Variants in PTK2 observed in about 807,000 individuals in gnomAD.
The protein encoded by PTK2 is protein tyrosine kinase 2.
A neutral mutation model predicts 150.1 loss-of-function variants in PTK2; 45 were observed. The ratio of observed to expected loss-of-function variants is 0.30; its 90% CI spans 0.24 to 0.38. The LOEUF (loss-of-function observed/expected upper bound fraction) is 0.38. PTK2 is among the 10% of genes least tolerant of loss of function. The pLI, the probability that PTK2 is intolerant of heterozygous loss-of-function variation, is 1.00. For synonymous variants in PTK2, 432 were observed against 449.2 expected, an observed-to-expected ratio of 0.96 and a Z score of 0.48; for missense variants, 919 against 1,307.3, an observed-to-expected ratio of 0.70 and a Z score of 4.58.
chr8:140,674,393 G>A (rs1315190906), exon 29 of PTK2: 5 of 1,595,302 alleles, frequency 3.1e-6, no homozygotes, highest in Non-Finnish European at 2.6e-6. Flanking sequence ...TTCTTTGGTG[G>A]AGCTGCAGGA....
At chr8:140,894,869 C>G (rs1370610074) in intron 2 of PTK2, among the ~76,000 whole-genome samples, 1 of 152,140 alleles carries the variant, frequency 6.6e-6, no homozygotes, top group East Asian at 1.9e-4. Flanking sequence ...TATAGAAGAT[C>G]TGAAGAGCAC....
intron 22 of PTK2, chr8:140,734,848 A>G (rs921262945): frequency 2.1e-6 from 1 of 478,424 alleles, no homozygotes; most frequent in African/African-American, 2.0e-5. Context: ...GAGTGAAGAC[A>G]GCATGTGAAA....
At chr8:140,675,714 G>T in intron 27 of PTK2, 2 of 520,804 alleles carry the variant, frequency 3.8e-6, no homozygotes, top group Non-Finnish European at 6.9e-6. Context: ...AGGGCTGTGA[G>T]AGAAGCAAGC....
chr8:140,984,483 A>G (rs2154610034), intron 1 of PTK2, among the ~76,000 whole-genome samples: 1 of 152,302 alleles, frequency 6.6e-6, no homozygotes, highest in Non-Finnish European at 1.5e-5. Context: ...GACAGACTGA[A>G]TTGGAACTTA....
At chr8:140,939,913 T>A (rs1243205783) in intron 1 of PTK2, among the ~76,000 whole-genome samples, 1 of 152,120 alleles carries the variant, frequency 6.6e-6, no homozygotes, top group Non-Finnish European at 1.5e-5. Context: ...CTAGGCGAAG[T>A]GCCAAAAACA....
intron 5 of PTK2, among the ~76,000 whole-genome samples, chr8:140,858,413 T>G (rs544119887): frequency 8.1e-6 from 1 of 122,756 alleles, no homozygotes; most frequent in Non-Finnish European, 1.7e-5. Context: ...ATGACACAGA[T>G]CAAGCAAGGG....
At chr8:140,981,406 GGGCAGGAGGGAAGGGTATGT>G (rs1296721567) in intron 1 of PTK2, among the ~76,000 whole-genome samples, 1 of 152,148 alleles carries the variant, frequency 6.6e-6, no homozygotes, top group African/African-American at 2.4e-5. Flanking sequence ...AGAACCTGTG[GGGCAGGAGGGAAGGGTATGT>G]GATCAGGGAA....
At chr8:140,678,024 G>T (rs1029521176) in intron 27 of PTK2, among the ~76,000 whole-genome samples, 4 of 152,134 alleles carry the variant, frequency 2.6e-5, no homozygotes, top group African/African-American at 9.7e-5. Context: ...TAGAAGGAGA[G>T]GAACTACACG....
At chr8:140,818,948 G>A (rs777494197) in exon 9 of PTK2, 4 of 1,613,194 alleles carry the variant, frequency 2.5e-6, no homozygotes, top group African/African-American at 2.7e-5. Context: ...AAGAATTTCA[G>A]AATACTTTCT....
intron 22 of PTK2, among the ~76,000 whole-genome samples, chr8:140,732,900 G>A (rs1399121776): frequency 3.9e-5 from 6 of 152,168 alleles, no homozygotes; most frequent in African/African-American, 1.2e-4. Flanking sequence ...AAATGAAGAA[G>A]GAGGCATTCT....
chr8:140,735,301 G>C (rs1483047978), exon 22 of PTK2: 3 of 1,614,078 alleles, frequency 1.9e-6, no homozygotes, highest in Non-Finnish European at 2.5e-6. Context: ...TGGGGTCATA[G>C]GCCCAGCATT....
rs145350717 is a variant in PTK2 at position 140,709,683 on chromosome 8, C to A, written c.2143-3478G>T. ...CTTTGAAAATGGCTTTCATATGAGT[C>A]CAAAAGTGTCAACTGCTGGTAAGTA... is the stretch of plus-strand genomic sequence containing the variant. On this transcript the variant is annotated intron_variant, in intron 23 of 31. Transcript: ENST00000522684. 4.5e-3 allele frequency among the ~76,000 whole-genome samples: 679 copies of A among 152,242 alleles called. 4 individuals are homozygous for A. The highest frequency in any genetic ancestry group is 0.016 in the African/African-American group (644 of 41,532).
intron 22 of PTK2, among the ~76,000 whole-genome samples, chr8:140,722,385 G>C (rs2100043413): frequency 6.6e-6 from 1 of 152,016 alleles, no homozygotes; most frequent in African/African-American, 2.4e-5. Context: ...CCTCCGAGTA[G>C]CTGGGACTAC....
intron 7 of PTK2, among the ~76,000 whole-genome samples, chr8:140,830,944 G>A (rs1297831660): frequency 1.3e-5 from 2 of 151,974 alleles, no homozygotes. Context: ...AATGATTCAG[G>A]ATATACCCGA....
intron 2 of PTK2, among the ~76,000 whole-genome samples, chr8:140,908,479 T>C (rs1170619808): frequency 6.6e-6 from 1 of 152,236 alleles, no homozygotes; most frequent in Non-Finnish European, 1.5e-5. Flanking sequence ...GAGTCTTTTA[T>C]TAGAAGATGC....
intron 5 of PTK2, among the ~76,000 whole-genome samples, chr8:140,862,059 T>C (rs534780973): frequency 2.6e-5 from 4 of 152,298 alleles, no homozygotes; most frequent in South Asian, 4.1e-4. Flanking sequence ...CTTTATCATA[T>C]AGGAAAGTCT....
At chr8:140,767,772 T>G (rs1273793503) in intron 14 of PTK2, among the ~76,000 whole-genome samples, 1 of 152,218 alleles carries the variant, frequency 6.6e-6, no homozygotes, top group South Asian at 2.1e-4. Context: ...GCACCCAGCC[T>G]TCCCAAGAAT....
At chr8:140,774,694 T>TA (rs1246191348) in intron 14 of PTK2, among the ~76,000 whole-genome samples, 1 of 152,154 alleles carries the variant, frequency 6.6e-6, no homozygotes, top group East Asian at 1.9e-4. Context: ...ACCTTGCTGA[T>TA]AAAACAGCTT....
chr8:140,817,198 T>A (rs953215912), intron 10 of PTK2, among the ~76,000 whole-genome samples: 2 of 150,724 alleles, frequency 1.3e-5, no homozygotes, highest in Non-Finnish European at 2.9e-5. Context: ...AACAGGAATA[T>A]GAGGAAAAAC....
Sources: gnomAD v4.1 joint callset for allele counts (sites outside exome capture counted in the v4.1 genomes callset) on GRCh38, gnomAD v4.1.1 for gene constraint, MANE v1.5 for transcripts, NCBI Gene and HGNC (gene_info 2026-07-23, HGNC 2026-07-21) for gene names.